IL17B: variants seen among roughly 807,000 people sequenced by gnomAD.
IL17B encodes interleukin-17B.
IL17B carries 14 observed loss-of-function variants against 14.7 expected under a neutral mutation model. That is an observed-to-expected ratio of 0.95 (90% CI 0.63 to 1.49). The LOEUF is 1.49. Ranked by LOEUF, IL17B falls within the 40% of genes most tolerant of loss-of-function variation. IL17B has a pLI of 0.00. For missense variants in IL17B, 233 were observed against 252.8 expected, an observed-to-expected ratio of 0.92 and a Z score of 0.53; for synonymous variants, 105 against 94.8, an observed-to-expected ratio of 1.11 and a Z score of -0.62.
chr5:149,399,989 A>G (rs1422736687), intron 1 of IL17B, among the ~76,000 whole-genome samples: 2 of 152,134 alleles, frequency 1.3e-5, no homozygotes, highest in Non-Finnish European at 2.9e-5. Context: ...TCTTCACAGT[A>G]GCTACTGGCA....
rs552889589 is a variant in IL17B at position 149,391,703 on chromosome 5, C to T, written n.95+12405G>A. On this transcript the variant is annotated intron_variant and non_coding_transcript_variant, in intron 1 of 2. Coordinates refer to the IL17B transcript ENST00000505432. ...TGCAATTCTGGAAGCATGGCAGGCC[C>T]GTCACTGAGCTGTCAGTGGAGGAGG... Among the ~76,000 whole-genome samples the T allele has an allele frequency of 9.9e-5, 15 of 152,256 alleles. 1 individual carries two copies. In the East Asian group the frequency reaches 1.5e-3, roughly 16 times the overall value.
upstream of IL17B, among the ~76,000 whole-genome samples, chr5:149,383,374 G>A (rs149429191): frequency 2.6e-5 from 4 of 152,326 alleles, no homozygotes; most frequent in Admixed American, 6.5e-5. Flanking sequence ...TATTTCCAGC[G>A]GGCCCACCCT....
At chr5:149,398,146 C>A (rs1230102642) in intron 1 of IL17B, among the ~76,000 whole-genome samples, 1 of 152,198 alleles carries the variant, frequency 6.6e-6, no homozygotes, top group Non-Finnish European at 1.5e-5. Flanking sequence ...GGCACCAAGA[C>A]ACATCTCCAG....
intron 1 of IL17B, among the ~76,000 whole-genome samples, chr5:149,378,122 C>T (rs931660563): frequency 6.6e-6 from 1 of 151,884 alleles, no homozygotes; most frequent in Admixed American, 6.6e-5. Context: ...CCAGCCTGGG[C>T]GACAGAGCGA....
upstream of IL17B, among the ~76,000 whole-genome samples, chr5:149,383,969 C>T (rs1758765004): frequency 6.6e-6 from 1 of 152,226 alleles, no homozygotes; most frequent in African/African-American, 2.4e-5. Flanking sequence ...ATTGACTCTA[C>T]ACTGTACCAA....
At chr5:149,394,480 G>A (rs1024965255) in intron 1 of IL17B, among the ~76,000 whole-genome samples, 12 of 152,166 alleles carry the variant, frequency 7.9e-5, no homozygotes, top group African/African-American at 2.9e-4. Context: ...TTACATACAC[G>A]CATTATGCTT....
In IL17B at chr5:149,374,393, A is replaced by G; in HGVS notation, c.519T>C (p.Ala173=). ...TTCAGAAGATGCAGGTGCAGCCCAC[A>G]GCGATGGTCTCCATGACTGCGCGCT... is the stretch of plus-strand genomic sequence containing the variant. ...CRQRAVMETI[A]VGCTCIF The change falls in exon 3 of 3, where the codon GCT becomes GCC. Residue 173 remains alanine (A), a synonymous_variant. Transcript: ENST00000261796. The surrounding 1 kb of genome is among the most constrained non-coding windows in gnomAD (Gnocchi z 5.0). 6.3e-7 allele frequency: 1 copy of G among 1,588,924 alleles called. No homozygotes were observed. The highest frequency in any genetic ancestry group is 8.6e-7 in the Non-Finnish European group (1 of 1,168,690).
chr5:149,389,587 C>G (rs1758897032), intron 1 of IL17B, among the ~76,000 whole-genome samples: 2 of 152,222 alleles, frequency 1.3e-5, no homozygotes, highest in African/African-American at 4.8e-5. Flanking sequence ...TTTCCATGTA[C>G]TACATAAGGG....
upstream of IL17B, chr5:149,379,307 G>A (rs958293760): frequency 1.9e-6 from 3 of 1,550,492 alleles, no homozygotes; most frequent in Non-Finnish European, 2.7e-6. Context: ...GCAACAGGAT[G>A]GAGCGAAGCA....
intron 1 of IL17B, among the ~76,000 whole-genome samples, chr5:149,377,949 C>A (rs917227547): frequency 6.6e-6 from 1 of 152,092 alleles, no homozygotes; most frequent in Non-Finnish European, 1.5e-5. Flanking sequence ...CGAGACCATC[C>A]TGGCTAACAC....
At chr5:149,387,644 T>G (rs1193503483) in intron 1 of IL17B, among the ~76,000 whole-genome samples, 1 of 134,238 alleles carries the variant, frequency 7.4e-6, no homozygotes, top group Admixed American at 7.4e-5. Context: ...CGTGGTGGCA[T>G]GCATCTGTAG....
chr5:149,377,044 G>A lies in IL17B; in HGVS notation c.22-19C>T. ...GAAACAGCTGGGGAGGAAAGCCACA[G>A]GTCAAAGGTGGGAGAGCCAAGTCTC... On this transcript the variant is annotated intron_variant, in intron 1 of 2. Coordinates refer to ENST00000261796, the MANE Select transcript of IL17B (RefSeq NM_014443.3). 1 of 1,525,258 alleles carries A rather than the reference G, an allele frequency of 6.6e-7. No homozygotes were observed. The highest frequency in any genetic ancestry group is 2.3e-5 in the East Asian group (1 of 44,232). 94.5% of individuals were successfully genotyped at this position (1,525,258 alleles called of 1,614,324 possible). A position where few individuals can be genotyped will look rare whatever the true frequency, so the allele number is the denominator to read the frequency against.
In IL17B at chr5:149,401,258, G is replaced by A. The variant is rs183873990; in HGVS notation, n.95+2850C>T. Among the ~76,000 whole-genome samples the A allele has an allele frequency of 3.3e-5, 5 of 152,276 alleles. No homozygotes were observed. In the East Asian group the frequency reaches 9.7e-4, roughly 29 times the overall value. On this transcript the variant is annotated intron_variant and non_coding_transcript_variant, in intron 1 of 2. Transcript: ENST00000505432. ...GTAGTAAATCCCTTTCTGCTCAAATGAGCAGGAATAATTGCTTTCCTGCAC... is the reference window on the plus strand; with the variant it reads ...GTAGTAAATCCCTTTCTGCTCAAATAAGCAGGAATAATTGCTTTCCTGCAC...
At chr5:149,384,537 T>C (rs939072358) in intron 1 of IL17B, among the ~76,000 whole-genome samples, 1 of 152,212 alleles carries the variant, frequency 6.6e-6, no homozygotes, top group African/African-American at 2.4e-5. Context: ...ACCAGAGTGC[T>C]CTGAACCTCA....
At chr5:149,400,286 T>C (rs988706207) in intron 1 of IL17B, among the ~76,000 whole-genome samples, 2 of 151,142 alleles carry the variant, frequency 1.3e-5, no homozygotes, top group Admixed American at 1.3e-4. Flanking sequence ...GGGCGATACA[T>C]CTACAAGCCA....
chr5:149,374,816 A>G lies in IL17B; in HGVS notation c.312-216T>C. 1 of 522,124 alleles carries G rather than the reference A, an allele frequency of 1.9e-6. No individual in the cohort carries two copies. 32.3% of individuals were successfully genotyped at this position (522,124 alleles called of 1,614,324 possible). On this transcript the variant is annotated intron_variant, in intron 2 of 2. Coordinates refer to ENST00000261796, the MANE Select transcript of IL17B (RefSeq NM_014443.3). The surrounding 1 kb of genome is among the most constrained non-coding windows in gnomAD (Gnocchi z 5.0). Reference sequence around the variant, plus strand: ...GAGAGCCCCAAGGTTATCCAGCTTCAAGGTCACCAGTCACCCAGCTTCCTT... The same window carrying G: ...GAGAGCCCCAAGGTTATCCAGCTTCGAGGTCACCAGTCACCCAGCTTCCTT...
upstream of IL17B, among the ~76,000 whole-genome samples, chr5:149,382,015 C>T (rs1022763671): frequency 2.0e-5 from 3 of 152,152 alleles, no homozygotes; most frequent in African/African-American, 4.8e-5. Flanking sequence ...CGCTCAGAGC[C>T]CTCTGCAGCA....
upstream of IL17B, among the ~76,000 whole-genome samples, chr5:149,380,322 C>G (rs1029409364): frequency 2.6e-5 from 4 of 152,140 alleles, no homozygotes; most frequent in African/African-American, 4.8e-5. Flanking sequence ...ATAGTAAGTG[C>G]TCAATAAACA....
upstream of IL17B, among the ~76,000 whole-genome samples, chr5:149,380,653 G>A (rs1214994217): frequency 6.6e-6 from 1 of 152,232 alleles, no homozygotes; most frequent in African/African-American, 2.4e-5. Context: ...CAGGGAGGCA[G>A]GAATGGCGGG....
Sources: gnomAD v4.1 joint callset for allele counts (sites outside exome capture counted in the v4.1 genomes callset) on GRCh38, gnomAD v4.1.1 for gene constraint, Gnocchi (gnomAD v3.1) non-coding constraint, MANE v1.5 for transcripts, NCBI Gene and HGNC (gene_info 2026-07-23, HGNC 2026-07-21) for gene names.